TCF21: variants seen among roughly 807,000 people sequenced by gnomAD.
TCF21 encodes transcription factor 21.
In TCF21, 3 loss-of-function variants were observed where a neutral mutation model predicts 13.5. The observed-to-expected ratio is 0.22, with a 90% CI of 0.10 to 0.57. The LOEUF (loss-of-function observed/expected upper bound fraction) is 0.57, where lower values mean the gene tolerates loss of function less well. Among genes scored for constraint, TCF21 ranks in the 20% least tolerant of loss-of-function variants. The probability of loss-of-function intolerance (pLI) is 0.92; values close to 1 mark genes in which losing one functional copy is unlikely to be tolerated. For missense variants in TCF21, 181 were observed against 238.4 expected, an observed-to-expected ratio of 0.76 and a Z score of 1.59; for synonymous variants, 92 against 101.7, an observed-to-expected ratio of 0.90 and a Z score of 0.57.
intron 1 of TCF21, among the ~76,000 whole-genome samples, chr6:133,890,801 TGA>T (rs562386339): frequency 6.6e-6 from 1 of 152,226 alleles, no homozygotes; most frequent in South Asian, 2.1e-4. Context: ...AGAGCAGTAG[TGA>T]GAGGGGTCTG....
rs1277108714 is a variant in TCF21, at chr6:133,891,814, C to G, written c.*12C>G. On this transcript the variant is annotated 3_prime_UTR_variant, in exon 2 of 2. Coordinates refer to ENST00000367882, the MANE Select transcript of TCF21 (RefSeq NM_003206.4). ...CCACCGCGTCCTGACCTTGGAGGTGCGAGTCTGGGAAAGGCGCGCTCCCGG... is the reference window on the plus strand; with the variant it reads ...CCACCGCGTCCTGACCTTGGAGGTGGGAGTCTGGGAAAGGCGCGCTCCCGG... 3.1e-6 allele frequency: 5 copies of G among 1,613,292 alleles called. No individual in the cohort carries two copies. The African/African-American group carries it at 4.0e-5, about 13-fold the overall frequency.
Position 133,891,830 on chromosome 6 carries a change from G to T in TCF21, c.*28G>T, listed in dbSNP as rs1489645382. 6 of 1,612,100 alleles carry T rather than the reference G, an allele frequency of 3.7e-6. No homozygotes were observed. The highest frequency in any genetic ancestry group is 5.1e-6 in the Non-Finnish European group (6 of 1,178,608). ...TTGGAGGTGCGAGTCTGGGAAAGGC[G>T]CGCTCCCGGGGGGAGCGGGCCCCGG... is the stretch of plus-strand genomic sequence containing the variant. On this transcript the variant is annotated 3_prime_UTR_variant, in exon 2 of 2. Transcript: ENST00000367882.
chr6:133,891,261 C>A (rs1775211645), intron 1 of TCF21, among the ~76,000 whole-genome samples: 1 of 152,128 alleles, frequency 6.6e-6, no homozygotes, highest in South Asian at 2.1e-4. Context: ...GCCCTGAAAC[C>A]CGACCACCGC....
Position 133,891,815 on chromosome 6 carries a change from G to A in TCF21, c.*13G>A, listed in dbSNP as rs1482195041. The A allele has an allele frequency of 1.2e-5, 20 of 1,613,262 alleles. No individual in the cohort carries two copies. The highest frequency in any genetic ancestry group is 1.6e-5 in the Non-Finnish European group (19 of 1,179,488). On this transcript the variant is annotated 3_prime_UTR_variant, in exon 2 of 2. Coordinates refer to ENST00000367882, the MANE Select transcript of TCF21 (RefSeq NM_003206.4). ...CACCGCGTCCTGACCTTGGAGGTGC[G>A]AGTCTGGGAAAGGCGCGCTCCCGGG...
At chr6:133,890,152 C>T (rs1034899900) in intron 1 of TCF21, among the ~76,000 whole-genome samples, 1 of 152,220 alleles carries the variant, frequency 6.6e-6, no homozygotes, top group Non-Finnish European at 1.5e-5. Flanking sequence ...CCCGCTCCAT[C>T]GCCATCCTCC....
chr6:133,889,239 C>A lies in TCF21; in HGVS notation c.-159C>A. 1 of 906,508 alleles carries A rather than the reference C, an allele frequency of 1.1e-6. No homozygotes were observed. The highest frequency in any genetic ancestry group is 2.0e-5 in the Admixed American group (1 of 50,740). The allele number at this position is 906,508 out of a possible 1,614,324, so 56.2% of individuals were successfully genotyped here. On this transcript the variant is annotated 5_prime_UTR_variant, in exon 1 of 2. Coordinates refer to ENST00000367882, the MANE Select transcript of TCF21 (RefSeq NM_003206.4). This position sits in a 1 kb window ranked among gnomAD's most constrained non-coding sequence, Gnocchi z 5.1. ...TGCGAAGGGGAAAGGGTTGTGAGAC[C>A]CAACCAGACCCCAACTCCAGCTCCC...
chr6:133,889,919 C>A lies in TCF21; in HGVS notation c.450+72C>A. On this transcript the variant is annotated intron_variant, in intron 1 of 1. Coordinates refer to ENST00000367882, the MANE Select transcript of TCF21 (RefSeq NM_003206.4). The surrounding 1 kb of genome is among the most constrained non-coding windows in gnomAD (Gnocchi z 5.1). ...CCCGCCTGCGGTGGGCGCGAGTGCG[C>A]GCGGGGCTGGGAGTGGGGGTGTGGG... The A allele has an allele frequency of 2.6e-6, 4 of 1,559,804 alleles. No individual in the cohort carries two copies. The highest frequency in any genetic ancestry group is 3.5e-6 in the Non-Finnish European group (4 of 1,134,452).
At position 133,891,829 on chromosome 6, in the gene TCF21, C is replaced by A. The variant is rs1775223619; in HGVS notation, c.*27C>A. ...CTTGGAGGTGCGAGTCTGGGAAAGG[C>A]GCGCTCCCGGGGGGAGCGGGCCCCG... On this transcript the variant is annotated 3_prime_UTR_variant, in exon 2 of 2. Transcript: ENST00000367882. 2 of 1,612,444 alleles carry A rather than the reference C, an allele frequency of 1.2e-6. No homozygotes were observed. The highest frequency in any genetic ancestry group is 1.1e-5 in the South Asian group (1 of 90,996).
chr6:133,890,219 C>T (rs1320610109), intron 1 of TCF21, among the ~76,000 whole-genome samples: 4 of 152,196 alleles, frequency 2.6e-5, no homozygotes, highest in African/African-American at 9.7e-5. Flanking sequence ...TGCGAGCGGA[C>T]AGGCATTTTG....
In TCF21 at chr6:133,889,501, A is replaced by G. The variant is rs761314661; in HGVS notation, c.104A>G (p.Asn35Ser). ...MDSNKEFVTS[N>S]ESTEESSNCE... ...TCGAACAAGGAATTTGTGACTTCCA[A>G]CGAGAGCACCGAGGAGAGCTCCAAC... Residue 35 changes from asparagine to serine, a missense_variant, in exon 1 of 2, where the codon AAC becomes AGC. Asn to Ser is a conservative substitution (Grantham distance 46). Around this residue, in one of 3 missense-constraint regions of TCF21, gnomAD observed 91 missense variants for 98.5 expected, o/e 0.92. Transcript: ENST00000367882. The surrounding 1 kb of genome is among the most constrained non-coding windows in gnomAD (Gnocchi z 5.1). 6.2e-7 allele frequency: 1 copy of G among 1,614,054 alleles called. No individual in the cohort carries two copies. The highest frequency in any genetic ancestry group is 8.5e-7 in the Non-Finnish European group (1 of 1,179,976).
At position 133,892,156 on chromosome 6, in the gene TCF21, C is replaced by T. The variant is rs1456635758; in HGVS notation, c.*354C>T. The T allele has an allele frequency of 6.0e-6, 1 of 168,014 alleles. No individual in the cohort carries two copies. Among genetic ancestry groups the T allele is most frequent in the African/African-American group, 2.4e-5 (1 of 42,004 alleles). 10.4% of individuals were successfully genotyped at this position (168,014 alleles called of 1,614,324 possible). A position where few individuals can be genotyped will look rare whatever the true frequency, so the allele number is the denominator to read the frequency against. The stretch of plus-strand genomic sequence containing the variant: ...AAAATGTAGATCATAGGATAGCTGA[C>T]TTTGACAGTCACATTTATAAAGTAA... On this transcript the variant is annotated 3_prime_UTR_variant, in exon 2 of 2. Coordinates refer to ENST00000367882, the MANE Select transcript of TCF21 (RefSeq NM_003206.4).
At chr6:133,890,691 T>C (rs572103339) in intron 1 of TCF21, among the ~76,000 whole-genome samples, 1 of 152,326 alleles carries the variant, frequency 6.6e-6, no homozygotes, top group East Asian at 1.9e-4. Context: ...TTCTAAGATC[T>C]AAAGAAAAAC....
chr6:133,893,815 C>A (rs1775259086), downstream of TCF21: 1 of 152,174 alleles, frequency 6.6e-6, no homozygotes, highest in South Asian at 2.1e-4. Flanking sequence ...AATTTGAAGC[C>A]TTTGCTTTAG....
chr6:133,893,969 A>T (rs1775262672), downstream of TCF21: 1 of 152,216 alleles, frequency 6.6e-6, no homozygotes, highest in Non-Finnish European at 1.5e-5. Context: ...GATAATAATC[A>T]TTATATGCAG....
At position 133,889,915 on chromosome 6, in the gene TCF21, T is replaced by G; in HGVS notation, c.450+68T>G. ...CACTCCCGCCTGCGGTGGGCGCGAG[T>G]GCGCGCGGGGCTGGGAGTGGGGGTG... On this transcript the variant is annotated intron_variant, in intron 1 of 1. Transcript: ENST00000367882. This position sits in a 1 kb window ranked among gnomAD's most constrained non-coding sequence, Gnocchi z 5.1. 1 of 1,567,298 alleles carries G rather than the reference T, an allele frequency of 6.4e-7. No homozygotes were observed. The highest frequency in any genetic ancestry group is 8.8e-7 in the Non-Finnish European group (1 of 1,140,872).
downstream of TCF21, chr6:133,894,455 T>C (rs1271716618): frequency 2.0e-5 from 3 of 152,254 alleles, no homozygotes; most frequent in Non-Finnish European, 4.4e-5. Flanking sequence ...TGGTTGTCCA[T>C]TGAATGGAGT....
Position 133,891,953 on chromosome 6 carries a change from G to A in TCF21, c.*151G>A, listed in dbSNP as rs1220559748. On this transcript the variant is annotated 3_prime_UTR_variant, in exon 2 of 2. Coordinates refer to ENST00000367882, the MANE Select transcript of TCF21 (RefSeq NM_003206.4). ...CGCGAGAACACTTTACAACGACGAG[G>A]AGATTCGTTTCCAAACCAGAGGAGA... is the stretch of plus-strand genomic sequence containing the variant. 4.1e-6 allele frequency: 3 copies of A among 737,418 alleles called. No homozygotes were observed. In the African/African-American group the frequency reaches 5.3e-5, roughly 13 times the overall value. 45.7% of individuals were successfully genotyped at this position (737,418 alleles called of 1,614,324 possible).
chr6:133,892,448 T>C (rs1381098615), downstream of TCF21: 1 of 152,214 alleles, frequency 6.6e-6, no homozygotes, highest in Non-Finnish European at 1.5e-5. Context: ...AAGAAATATA[T>C]CGGTTACTTT....
At chr6:133,893,270 G>A (rs1775251019), downstream of TCF21, 3 of 152,468 alleles carry the variant, frequency 2.0e-5, no homozygotes, top group East Asian at 1.9e-4. Context: ...GTCCCGACTG[G>A]AGAAGCTGCT....
Sources: gnomAD v4.1 joint callset for allele counts (sites outside exome capture counted in the v4.1 genomes callset) on GRCh38, gnomAD v4.1.1 for gene constraint, gnomAD v4.1.1 regional missense constraint, Gnocchi (gnomAD v3.1) non-coding constraint, MANE v1.5 for transcripts, NCBI Gene and HGNC (gene_info 2026-07-23, HGNC 2026-07-21) for gene names.